The following C11orf65 variants were observed in gnomAD, a reference collection of about 807,000 sequenced individuals.
C11orf65 encodes protein MFI.
Under a neutral mutation model 35.3 loss-of-function variants are expected in C11orf65, and 38 were observed. That is an observed-to-expected ratio of 1.08 (90% confidence interval 0.83 to 1.41). The LOEUF (loss-of-function observed/expected upper bound fraction) is 1.41. C11orf65 is among the 40% of genes most tolerant of loss of function. C11orf65 has a pLI of 0.00. For synonymous variants in C11orf65, 105 were observed against 114.4 expected, an observed-to-expected ratio of 0.92 and a Z score of 0.53; for missense variants, 370 against 367.1, an observed-to-expected ratio of 1.01 and a Z score of -0.06.
intron 2 of C11orf65, among the ~76,000 whole-genome samples, chr11:108,447,724 A>G (rs1297698795): frequency 2.6e-5 from 4 of 152,156 alleles, no homozygotes; most frequent in Non-Finnish European, 5.9e-5. Context: ...AATTAAAACA[A>G]CTAGAAAAGC....
intron 2 of C11orf65, among the ~76,000 whole-genome samples, chr11:108,446,741 C>G (rs898055233): frequency 6.6e-6 from 1 of 152,122 alleles, no homozygotes; most frequent in Non-Finnish European, 1.5e-5. Flanking sequence ...GCAAAATAAC[C>G]AGCTAACATC....
downstream of C11orf65, among the ~76,000 whole-genome samples, chr11:108,329,785 C>T (rs2086064323): frequency 2.6e-5 from 4 of 152,236 alleles, no homozygotes; most frequent in South Asian, 8.3e-4. Context: ...ATAATTCATG[C>T]TCTGCTTCTA....
chr11:108,469,628 T>C (rs1036580008), upstream of C11orf65, among the ~76,000 whole-genome samples: 1 of 152,118 alleles, frequency 6.6e-6, no homozygotes, highest in African/African-American at 2.4e-5. Context: ...TGAGTACTTA[T>C]GTTACCTCTA....
chr11:108,412,623 C>T (rs1771176909), intron 3 of C11orf65, among the ~76,000 whole-genome samples: 1 of 152,126 alleles, frequency 6.6e-6, no homozygotes, highest in Non-Finnish European at 1.5e-5. Flanking sequence ...GTAGTCCCAG[C>T]TACTTCAGAG....
In C11orf65 at chr11:108,427,590, C is replaced by T. The variant is rs185016919; in HGVS notation, c.174+4156G>A. ...TACAAAAATTAGCCGGGCATGGTGG[C>T]GCGCGTCTGTAGTCCCAGCTACACG... On this transcript the variant is annotated intron_variant, in intron 3 of 8. Transcript: ENST00000393084. Among the ~76,000 whole-genome samples, 410 of 148,856 alleles carry T rather than the reference C, an allele frequency of 2.8e-3. 2 individuals carry two copies. Among genetic ancestry groups the T allele is most frequent in the African/African-American group, 9.6e-3 (390 of 40,808 alleles).
intron 6 of C11orf65, among the ~76,000 whole-genome samples, chr11:108,318,401 C>T (rs572755439): frequency 1.3e-5 from 2 of 151,180 alleles, no homozygotes; most frequent in Non-Finnish European, 2.9e-5. Flanking sequence ...TATGCCTACT[C>T]AGGGCTGGGC....
chr11:108,357,790 T>C (rs1271461941), intron 2 of C11orf65, among the ~76,000 whole-genome samples: 1 of 151,802 alleles, frequency 6.6e-6, no homozygotes, highest in Non-Finnish European at 1.5e-5. Flanking sequence ...CAAAAACCCA[T>C]CTGTACATCA....
chr11:108,399,770 A>G (rs1241131735), intron 6 of C11orf65, among the ~76,000 whole-genome samples: 6 of 152,184 alleles, frequency 3.9e-5, no homozygotes, highest in South Asian at 4.2e-4. Flanking sequence ...TTTATGGTTT[A>G]ATTGATTAGA....
At chr11:108,308,610 A>G (rs770675306) in exon 7 of C11orf65, 1 of 196,992 alleles carries the variant, frequency 5.1e-6, no homozygotes, top group Non-Finnish European at 1.0e-5. Context: ...CTCTGAAGAA[A>G]TAGTGTAGTA....
chr11:108,438,294 A>T (rs1169349007), intron 2 of C11orf65, among the ~76,000 whole-genome samples: 2 of 151,958 alleles, frequency 1.3e-5, no homozygotes, highest in African/African-American at 4.8e-5. Flanking sequence ...GCTCACGCCT[A>T]TAATTTCAGC....
intron 2 of C11orf65, chr11:108,366,310 C>T (rs1395302891): frequency 4.8e-6 from 1 of 210,132 alleles, no homozygotes; most frequent in Non-Finnish European, 9.7e-6. Flanking sequence ...TTACCCTATC[C>T]ATTGGGCTTC....
rs2086676230 is a variant in C11orf65 at position 108,335,012 on chromosome 11, C to T, written c.299+208G>A. 1 of 1,613,760 alleles carries T rather than the reference C, an allele frequency of 6.2e-7. No homozygotes were observed. The highest frequency in any genetic ancestry group is 8.5e-7 in the Non-Finnish European group (1 of 1,179,718). Reference sequence around the variant, plus strand: ...TATGGAAATCTGGTGACTATACAGTCATTTAAAGCAGAATTTCGCTTAGCA... The same window carrying T: ...TATGGAAATCTGGTGACTATACAGTTATTTAAAGCAGAATTTCGCTTAGCA... On this transcript the variant is annotated intron_variant, in intron 3 of 3. Transcript: ENST00000524755.
chr11:108,312,267 G>T, intron 6 of C11orf65: 1 of 648,872 alleles, frequency 1.5e-6, no homozygotes, highest in South Asian at 1.8e-5. Context: ...GGTATAAATG[G>T]TATTATGTTT....
intron 7 of C11orf65, 117 bp downstream of exon 7, chr11:108,393,091 G>GTTT: frequency 1.9e-6 from 2 of 1,026,084 alleles, no homozygotes; most frequent in Non-Finnish European, 1.4e-6. Context: ...AGATACTCGG[G>GTTT]TTTTTTTTTT....
chr11:108,459,726 TACACACACACACACACAC>T (rs60928526), intron 2 of C11orf65, among the ~76,000 whole-genome samples: 7 of 138,664 alleles, frequency 5.0e-5, no homozygotes, highest in African/African-American at 8.1e-5. Flanking sequence ...GTCCTCCGTC[TACACACACACACACACAC>T]ACACACACAC....
At chr11:108,365,290 T>A (rs2137898242) in intron 2 of C11orf65, 1 of 1,614,196 alleles carries the variant, frequency 6.2e-7, no homozygotes, top group Non-Finnish European at 8.5e-7. Flanking sequence ...TTTAAACTGT[T>A]CACCTCACTG....
At chr11:108,431,933 A>G (rs2092996032) in intron 2 of C11orf65, 95 bp from the exon 3 acceptor site, 1 of 621,638 alleles carries the variant, frequency 1.6e-6, no homozygotes, top group South Asian at 4.0e-5. Flanking sequence ...ATAAAGTACC[A>G]TAAAATAGAT....
chr11:108,399,105 G>C (rs978641851), intron 6 of C11orf65, among the ~76,000 whole-genome samples: 1 of 152,030 alleles, frequency 6.6e-6, no homozygotes, highest in African/African-American at 2.4e-5. Context: ...TGTAATCCTG[G>C]CCACTTTGGA....
At chr11:108,453,089 T>C (rs1353874660) in intron 2 of C11orf65, among the ~76,000 whole-genome samples, 1 of 127,086 alleles carries the variant, frequency 7.9e-6, no homozygotes, top group African/African-American at 3.0e-5. Flanking sequence ...ACATGGCACA[T>C]GTATACATTT....
Sources: allele counts gnomAD v4.1 joint callset (sites outside exome capture counted in the v4.1 genomes callset), GRCh38; gene constraint gnomAD v4.1.1; transcripts MANE v1.5; gene names NCBI Gene and HGNC (gene_info 2026-07-23, HGNC 2026-07-21).